Variants in FGF13 observed in about 807,000 individuals in gnomAD.
The protein encoded by FGF13 is fibroblast growth factor homologous factor 2.
FGF13 carries 2 observed loss-of-function variants against 19.5 expected under a neutral mutation model. The ratio of observed to expected loss-of-function variants is 0.10; its 90% CI spans 0.04 to 0.32. FGF13 has a LOEUF of 0.32. FGF13 is among the 10% of genes least tolerant of loss of function. The pLI is 1.00. For synonymous variants in FGF13, 72 were observed against 76.9 expected (o/e 0.94, Z 0.33); for missense variants, 113 against 192.7 (o/e 0.59, Z 2.45).
intron 1 of FGF13, among the ~76,000 whole-genome samples, chrX:138,933,445 T>C (rs1446077189): frequency 9.0e-6 from 1 of 111,284 alleles, no homozygotes; most frequent in Non-Finnish European, 1.9e-5. Context: ...GCCAATCAGA[T>C]GGAGAGAGAA....
chrX:139,172,762 C>T (rs778985818), intron 1 of FGF13, among the ~76,000 whole-genome samples: 9 of 111,760 alleles, frequency 8.1e-5, no homozygotes, highest in African/African-American at 2.3e-4. Context: ...TTTCTCAAAT[C>T]AGGATACAAA....
chrX:138,982,244 G>A (rs974106458), intron 1 of FGF13, among the ~76,000 whole-genome samples: 2 of 111,576 alleles, frequency 1.8e-5, no homozygotes, highest in Non-Finnish European at 3.8e-5. Flanking sequence ...GTTAAGGGAC[G>A]TAGTTGTGCT....
chrX:138,861,494 T>C (rs1447720187), intron 2 of FGF13, among the ~76,000 whole-genome samples: 1 of 112,473 alleles, frequency 8.9e-6, no homozygotes, highest in Non-Finnish European at 1.9e-5. Context: ...AACAGCTACC[T>C]AAATATTTAG....
chrX:139,125,568 C>T (rs1207471052), intron 1 of FGF13, among the ~76,000 whole-genome samples: 1 of 111,697 alleles, frequency 9.0e-6, no homozygotes, highest in Non-Finnish European at 1.9e-5. Context: ...GCAATTAAAA[C>T]AAATGGAAAT....
intron 3 of FGF13, among the ~76,000 whole-genome samples, chrX:138,675,144 C>T (rs1461415596): frequency 4.5e-5 from 5 of 111,075 alleles, no homozygotes; most frequent in African/African-American, 6.5e-5. Context: ...AATCAGTTTA[C>T]GTTTCTATCA....
intron 1 of FGF13, among the ~76,000 whole-genome samples, chrX:138,906,028 A>C (rs2091556651): frequency 9.0e-6 from 1 of 111,473 alleles, no homozygotes; most frequent in African/African-American, 3.3e-5. Flanking sequence ...TTTTATCGAA[A>C]GAGTTTTACA....
At chrX:139,012,881 A>T (rs978505216) in intron 1 of FGF13, among the ~76,000 whole-genome samples, 14 of 112,482 alleles carry the variant, frequency 1.2e-4, no homozygotes, top group African/African-American at 4.5e-4. Context: ...TCTGCACAGC[A>T]AAAGAAATAA....
intron 1 of FGF13, among the ~76,000 whole-genome samples, chrX:139,095,145 T>C (rs990074969): frequency 1.8e-5 from 2 of 112,103 alleles, no homozygotes; most frequent in Non-Finnish European, 3.8e-5. Context: ...AACAGCTGGA[T>C]GTTGGTGTGC....
intron 1 of FGF13, among the ~76,000 whole-genome samples, chrX:138,937,383 A>C (rs1431594928): frequency 2.7e-5 from 3 of 111,809 alleles, no homozygotes; most frequent in Non-Finnish European, 3.8e-5. Context: ...TCATTTCTGC[A>C]CCCAAATTAT....
At chrX:139,066,565 G>A (rs1266911624) in intron 1 of FGF13, among the ~76,000 whole-genome samples, 2 of 111,061 alleles carry the variant, frequency 1.8e-5, no homozygotes, top group Admixed American at 9.6e-5. Flanking sequence ...AGAAGAAATG[G>A]ATAAATTCCT....
intron 3 of FGF13, among the ~76,000 whole-genome samples, chrX:138,745,541 G>A (rs2090349535): frequency 8.9e-6 from 1 of 111,945 alleles, no homozygotes; most frequent in Non-Finnish European, 1.9e-5. Flanking sequence ...GAGTTTCATG[G>A]AAAGATAAAT....
chrX:138,754,185 T>A (rs1389438575), intron 3 of FGF13, among the ~76,000 whole-genome samples: 2 of 111,842 alleles, frequency 1.8e-5, no homozygotes, highest in East Asian at 5.7e-4. Flanking sequence ...TAAATGTTGA[T>A]GTTTTGCTCG....
At chrX:139,112,698 T>C (rs2083612049) in intron 1 of FGF13, among the ~76,000 whole-genome samples, 1 of 111,823 alleles carries the variant, frequency 8.9e-6, no homozygotes, top group Admixed American at 9.5e-5. Context: ...AAGAGGGAGA[T>C]GATAATAATA....
Position 138,625,880 on chromosome X carries a change from T to G in FGF13, c.*6970A>C, listed in dbSNP as rs2089059651. The G allele has an allele frequency of 9.0e-6, 1 of 111,330 alleles. No individual in the cohort carries two copies. The highest frequency in any genetic ancestry group is 3.7e-4 in the South Asian group (1 of 2,689). 9.2% of individuals were successfully genotyped at this position (111,330 alleles called of 1,213,427 possible). A position where few individuals can be genotyped will look rare whatever the true frequency, so the allele number is the denominator to read the frequency against. On this transcript the variant is annotated 3_prime_UTR_variant, in exon 5 of 5. Coordinates refer to ENST00000315930, the MANE Select transcript of FGF13 (RefSeq NM_004114.5). ...GTTGTTAGAACATAATTTTGCTGATTTTTTTCTGATATGATTGTACTGGTC... is the reference window on the plus strand; with the variant it reads ...GTTGTTAGAACATAATTTTGCTGATGTTTTTCTGATATGATTGTACTGGTC...
At chrX:138,810,590 A>T (rs895276230) in intron 3 of FGF13, among the ~76,000 whole-genome samples, 6 of 112,283 alleles carry the variant, frequency 5.3e-5, no homozygotes, top group Non-Finnish European at 1.1e-4. Context: ...CAAAATTGAC[A>T]AATGGGATCT....
chrX:139,093,385 G>A (rs1025115325), intron 1 of FGF13, among the ~76,000 whole-genome samples: 4 of 112,038 alleles, frequency 3.6e-5, no homozygotes, highest in Non-Finnish European at 5.6e-5. Context: ...GCTGCTTTCA[G>A]AGCTGGTCAT....
At chrX:138,641,833 C>A (rs2089254330) in intron 3 of FGF13, among the ~76,000 whole-genome samples, 1 of 111,738 alleles carries the variant, frequency 8.9e-6, no homozygotes, top group South Asian at 3.7e-4. Context: ...ATTATTAATT[C>A]ACGATAAACA....
rs182376621 is a variant in FGF13, at chrX:138,887,361, C to T, written c.-112-22711G>A. ...TACTTTAATAGAATCAAGTTCCCAC[C>T]GTGCTAAGTTAGCACTATGGAAATC... On this transcript the variant is annotated intron_variant, in intron 1 of 2. Transcript: ENST00000421460. 4.5e-5 allele frequency among the ~76,000 whole-genome samples: 5 copies of T among 111,719 alleles called. No homozygotes were observed. The East Asian group carries it at 8.5e-4, about 19-fold the overall frequency.
intron 1 of FGF13, among the ~76,000 whole-genome samples, chrX:138,894,944 C>T (rs979641570): frequency 2.7e-5 from 3 of 112,011 alleles, no homozygotes; most frequent in Non-Finnish European, 5.6e-5. Context: ...TCCAGCAGCA[C>T]ATCAAATGCT....
Sources: gnomAD v4.1 joint callset for allele counts (sites outside exome capture counted in the v4.1 genomes callset) on GRCh38, gnomAD v4.1.1 for gene constraint, MANE v1.5 for transcripts, NCBI Gene and HGNC (gene_info 2026-07-23, HGNC 2026-07-21) for gene names.